CFAP54: variants seen among roughly 807,000 people sequenced by gnomAD.
CFAP54 encodes cilia and flagella associated protein 54.
In CFAP54, 290 loss-of-function variants were observed where a neutral mutation model predicts 370.4. The observed-to-expected ratio is 0.78, with a 90% CI of 0.71 to 0.86. CFAP54 has a LOEUF of 0.86. Among genes scored for constraint, CFAP54 ranks in the 40% least tolerant of loss-of-function variants. CFAP54 has a pLI of 0.00. For synonymous variants in CFAP54, 1,206 were observed against 1,236.5 expected (o/e 0.98, Z 0.52); for missense variants, 3,399 against 3,528.7 (o/e 0.96, Z 0.93).
chr12:96,853,184 C>G (rs1008506009), intron 66 of CFAP54, among the ~76,000 whole-genome samples: 1 of 151,956 alleles, frequency 6.6e-6, no homozygotes, highest in Non-Finnish European at 1.5e-5. Context: ...CTCAACTGGC[C>G]ATCAACTGGA....
chr12:96,851,038 T>A (rs1030277545), intron 66 of CFAP54, among the ~76,000 whole-genome samples: 3 of 152,218 alleles, frequency 2.0e-5, no homozygotes, highest in Non-Finnish European at 4.4e-5. Flanking sequence ...GTGGGCTCAC[T>A]TTAATACAGG....
chr12:96,588,743 AC>A (rs1166269429), intron 22 of CFAP54, among the ~76,000 whole-genome samples: 4 of 152,202 alleles, frequency 2.6e-5, no homozygotes, highest in African/African-American at 9.6e-5. Flanking sequence ...ATTGTTATTT[AC>A]ATATTTAATG....
intron 14 of CFAP54, among the ~76,000 whole-genome samples, chr12:96,545,786 A>C (rs867298589): frequency 2.0e-5 from 3 of 152,288 alleles, no homozygotes; most frequent in African/African-American, 7.2e-5. Flanking sequence ...CCATCCAGTC[A>C]TCAATTATGC....
chr12:96,672,862 C>A (rs12830389), intron 39 of CFAP54, among the ~76,000 whole-genome samples: 1 of 152,114 alleles, frequency 6.6e-6, no homozygotes, highest in Admixed American at 6.5e-5. Context: ...ATAAGAAAAA[C>A]ATATCTAGTA....
chr12:96,802,324 T>C (rs1958828674), intron 63 of CFAP54, among the ~76,000 whole-genome samples: 1 of 152,050 alleles, frequency 6.6e-6, no homozygotes, highest in Admixed American at 6.5e-5. Context: ...GCTGGCACCA[T>C]TTTGAGAGTT....
intron 9 of CFAP54, 49 bp downstream of exon 9, chr12:96,527,493 G>A (rs886677788): frequency 1.1e-5 from 14 of 1,310,174 alleles, no homozygotes; most frequent in African/African-American, 4.5e-5. Context: ...ATACACATGA[G>A]TAACAAAAAT....
At chr12:96,670,452 TG>T (rs1247389304) in intron 39 of CFAP54, among the ~76,000 whole-genome samples, 1 of 152,230 alleles carries the variant, frequency 6.6e-6, no homozygotes, top group Non-Finnish European at 1.5e-5. Flanking sequence ...CTTAAAGCTG[TG>T]ACTTGAAAGT....
chr12:96,576,321 T>C (rs1204984490), intron 19 of CFAP54, among the ~76,000 whole-genome samples: 3 of 151,804 alleles, frequency 2.0e-5, no homozygotes, highest in African/African-American at 7.3e-5. Context: ...TACTACCTCA[T>C]ATTCATGTAT....
Position 96,489,819 on chromosome 12 carries a change from G to T in CFAP54, c.210G>T (p.Pro70=). 1 of 1,536,132 alleles carries T rather than the reference G, an allele frequency of 6.5e-7. No individual in the cohort carries two copies. The highest frequency in any genetic ancestry group is 1.2e-5 in the South Asian group (1 of 84,064). The change falls in exon 1 of 68, where the codon CCG becomes CCT. Residue 70 remains proline (P), a synonymous_variant. Transcript: ENST00000524981. Reference sequence around the variant, plus strand: ...ATGGGCCGCTGGACGCGAAAAACCCGCTCCTGGCCTCTTGTGAGAAGGAGA... The same window carrying T: ...ATGGGCCGCTGGACGCGAAAAACCCTCTCCTGGCCTCTTGTGAGAAGGAGA... ...VFYGPLDAKN[P]LLASCEKEIQ...
chr12:96,852,904 T>C (rs1959590011), intron 66 of CFAP54, among the ~76,000 whole-genome samples: 2 of 152,224 alleles, frequency 1.3e-5, no homozygotes, highest in African/African-American at 2.4e-5. Context: ...AAAAACATAG[T>C]ATGGTGGTAT....
At chr12:96,528,807 T>A (rs1223448134) in intron 9 of CFAP54, among the ~76,000 whole-genome samples, 3 of 152,202 alleles carry the variant, frequency 2.0e-5, no homozygotes, top group Non-Finnish European at 4.4e-5. Flanking sequence ...TTACTTCCTT[T>A]ATTATACTTT....
chr12:96,572,578 C>G (rs1052760698), intron 19 of CFAP54, among the ~76,000 whole-genome samples: 10 of 151,998 alleles, frequency 6.6e-5, no homozygotes, highest in African/African-American at 2.4e-4. Context: ...TGCACTTTAT[C>G]TGGCAAGTAT....
intron 36 of CFAP54, among the ~76,000 whole-genome samples, chr12:96,657,597 T>A (rs1260253066): frequency 1.3e-5 from 2 of 152,210 alleles, no homozygotes. Context: ...AATTAAAAAT[T>A]CAGTTGCACT....
intron 66 of CFAP54, among the ~76,000 whole-genome samples, chr12:96,830,588 C>T (rs1056607406): frequency 5.9e-5 from 9 of 152,118 alleles, no homozygotes; most frequent in African/African-American, 1.9e-4. Flanking sequence ...CAAATTAATC[C>T]TCCAGAAATG....
intron 25 of CFAP54, among the ~76,000 whole-genome samples, chr12:96,596,995 G>T (rs1174059378): frequency 6.6e-6 from 1 of 152,020 alleles, no homozygotes; most frequent in African/African-American, 2.4e-5. Flanking sequence ...GAAAAGATTT[G>T]CTGGTGAAGA....
chr12:96,705,599 C>T (rs912992806), intron 47 of CFAP54, among the ~76,000 whole-genome samples: 5 of 152,038 alleles, frequency 3.3e-5, no homozygotes, highest in Non-Finnish European at 7.4e-5. Flanking sequence ...TAAAACACTT[C>T]CTTAGGGAGT....
chr12:96,519,194 G>C, intron 6 of CFAP54, 123 bp downstream of exon 6: 3 of 928,700 alleles, frequency 3.2e-6, no homozygotes, highest in Non-Finnish European at 4.5e-6. Context: ...CACCTCCCAG[G>C]TTCAAGCGAT....
At chr12:96,791,135 T>C (rs1958687820) in intron 62 of CFAP54, among the ~76,000 whole-genome samples, 1 of 151,176 alleles carries the variant, frequency 6.6e-6, no homozygotes, top group Non-Finnish European at 1.5e-5. Flanking sequence ...CAAGCTTGGG[T>C]ATAACAAGAA....
chr12:96,623,222 G>C (rs897965820), intron 27 of CFAP54, among the ~76,000 whole-genome samples: 2 of 152,158 alleles, frequency 1.3e-5, no homozygotes, highest in African/African-American at 2.4e-5. Context: ...ACATTAACAG[G>C]TCAGTTCTCA....
Sources: allele counts gnomAD v4.1 joint callset (sites outside exome capture counted in the v4.1 genomes callset), GRCh38; gene constraint gnomAD v4.1.1; transcripts MANE v1.5; gene names NCBI Gene and HGNC (gene_info 2026-07-23, HGNC 2026-07-21).